Variants in PTPRN observed in about 807,000 individuals in gnomAD.
PTPRN encodes receptor-type tyrosine-protein phosphatase-like N.
Under a neutral mutation model 108.5 loss-of-function variants are expected in PTPRN, and 70 were observed. The ratio of observed to expected loss-of-function variants is 0.65; its 90% CI spans 0.53 to 0.79. The LOEUF is 0.79. Ranked by LOEUF, PTPRN falls within the 30% of genes least tolerant of loss-of-function variation. The pLI is 0.00. For synonymous variants in PTPRN, 496 were observed against 524.6 expected (o/e 0.95, Z 0.75); for missense variants, 1,136 against 1,295.5 (o/e 0.88, Z 1.89).
intron 19 of PTPRN, chr2:219,292,360 C>T (rs1952072197): frequency 1.3e-5 from 2 of 152,284 alleles, no homozygotes; most frequent in South Asian, 4.1e-4. Flanking sequence ...CTGCCCTTGT[C>T]CTTTATGACC....
chr2:219,305,245 ATTT>A (rs201878055), intron 3 of PTPRN, among the ~76,000 whole-genome samples: 1 of 136,284 alleles, frequency 7.3e-6, no homozygotes. Context: ...CCTGGTCCTC[ATTT>A]TTTTTTTTTT....
chr2:219,290,469 C>A lies in PTPRN; in HGVS notation c.2868+69G>T. On this transcript the variant is annotated intron_variant, in intron 22 of 22. Coordinates refer to ENST00000295718, the MANE Select transcript of PTPRN (RefSeq NM_002846.4). The surrounding 1 kb of genome is among the most constrained non-coding windows in gnomAD (Gnocchi z 4.2). ...GAAAGGTTGGCAGCTGCTGCTTTCC[C>A]TGGGGTGGCCAAGAAGTGGGTGCTA... 6.8e-7 allele frequency: 1 copy of A among 1,478,764 alleles called. No homozygotes were observed. Among genetic ancestry groups the A allele is most frequent in the Non-Finnish European group, 9.2e-7 (1 of 1,083,266 alleles). 91.6% of individuals were successfully genotyped at this position (1,478,764 alleles called of 1,614,324 possible).
chr2:219,309,376 G>A lies in PTPRN; in HGVS notation c.-44C>T. ...CTCGCTCCCGGGCCGGAGCCGCAGC[G>A]ACGCTGGCGGGAGCCTGCCAGAGGG... is the stretch of plus-strand genomic sequence containing the variant. On this transcript the variant is annotated 5_prime_UTR_variant, in exon 1 of 23. Coordinates refer to ENST00000295718, the MANE Select transcript of PTPRN (RefSeq NM_002846.4). 4 of 1,082,002 alleles carry A rather than the reference G, an allele frequency of 3.7e-6. No homozygotes were observed. Among genetic ancestry groups the A allele is most frequent in the Non-Finnish European group, 5.0e-6 (4 of 797,954 alleles). The allele number at this position is 1,082,002 out of a possible 1,614,324, so 67.0% of individuals were successfully genotyped here.
rs1952029321 is a variant in PTPRN, at chr2:219,290,527, G to A, written c.2868+11C>T. The A allele has an allele frequency of 3.9e-6, 6 of 1,550,818 alleles. No homozygotes were observed. Among genetic ancestry groups the A allele is most frequent in the Middle Eastern group, 1.7e-4 (1 of 5,894 alleles). ...GTGGGAGCTGGGGTTGGGGCAGGAA[G>A]GCATGGTCACCTTAGAGCGGACAAG... On this transcript the variant is annotated intron_variant, in intron 22 of 22. Transcript: ENST00000295718. The surrounding 1 kb of genome is among the most constrained non-coding windows in gnomAD (Gnocchi z 4.2).
intron 1 of PTPRN, chr2:219,308,843 C>T: frequency 7.6e-7 from 1 of 1,318,582 alleles, no homozygotes. Context: ...TCATTCTCCC[C>T]GCCACCTCCC....
At position 219,300,230 on chromosome 2, in the gene PTPRN, G is replaced by T. The variant is rs1313923716; in HGVS notation, c.1191C>A (p.Asp397Glu). The T allele has an allele frequency of 5.7e-6, 9 of 1,588,506 alleles. No individual in the cohort carries two copies. The highest frequency in any genetic ancestry group is 7.7e-6 in the Non-Finnish European group (9 of 1,165,858). ...KTMEGPVEGR[D>E]TAELPARTSP... ...ATGTGCGGGCTGGAAGCTCTGCTGT[G>T]TCTCTGCCCTCCACCGGCCCCTCCA... Residue 397 changes from aspartate (D) to glutamate (E), a missense_variant, in exon 9 of 23, where the codon GAC becomes GAA. By Grantham distance (45) the Asp-to-Glu change is conservative (BLOSUM62 2). Transcript: ENST00000295718.
intron 4 of PTPRN, 58 bp downstream of exon 4, chr2:219,303,677 G>T: frequency 6.6e-7 from 1 of 1,509,666 alleles, no homozygotes; most frequent in Non-Finnish European, 9.2e-7. Context: ...CATCAATTAG[G>T]ACAACCACAG....
rs1952194985 is a variant in PTPRN at position 219,296,344 on chromosome 2, A to G, written c.2390T>C (p.Met797Thr). Reference protein sequence around the residue: ...LSHTIADFWQMVWESGCTVIV... With the variant: ...LSHTIADFWQTVWESGCTVIV... ...GACGGTGCAGCCGCTCTCCCACACC[A>G]TCTAGGGACAGAGACCCAGTTGAGC... The change falls in exon 18 of 23, where the codon ATG becomes ACG. Residue 797 changes from methionine to threonine, a missense_variant and splice_region_variant. Physicochemically the swap from Met to Thr is moderately conservative, Grantham distance 81 (BLOSUM62 -1). Transcript: ENST00000295718. This position sits in a 1 kb window ranked among gnomAD's most constrained non-coding sequence, Gnocchi z 6.0. The G allele has an allele frequency of 6.8e-6, 11 of 1,614,004 alleles. No homozygotes were observed. Among genetic ancestry groups the G allele is most frequent in the Non-Finnish European group, 8.5e-6 (10 of 1,179,994 alleles).
rs752391502 is a variant in PTPRN, at chr2:219,296,201, C to T, written c.2508+25G>A. 23 of 1,613,330 alleles carry T rather than the reference C, an allele frequency of 1.4e-5. No individual in the cohort carries two copies. Among genetic ancestry groups the T allele is most frequent in the Non-Finnish European group, 1.4e-5 (16 of 1,179,416 alleles). On this transcript the variant is annotated intron_variant, in intron 18 of 22. Coordinates refer to ENST00000295718, the MANE Select transcript of PTPRN (RefSeq NM_002846.4). This position sits in a 1 kb window ranked among gnomAD's most constrained non-coding sequence, Gnocchi z 6.0. ...CATCTACTCTTCCCACATCCATTGT[C>T]CCCTTGCTGTGGGGCCCTGCTGACC...
In PTPRN at chr2:219,298,044, T is replaced by C. The variant is rs1202984138; in HGVS notation, c.1728A>G (p.Ser576=). The part of the protein sequence containing the change: ...QTAHSTSPMR[S]VLLTLVALAG... ...CCAGGGCCACCAGAGTGAGCAGCAC[T>C]GAGCGCATGGGTGAGGTGCTGTGCG... Residue 576 remains serine (S), a synonymous_variant, in exon 13 of 23, where the codon TCA becomes TCG. Transcript: ENST00000295718. 29 of 1,613,962 alleles carry C rather than the reference T, an allele frequency of 1.8e-5. No individual in the cohort carries two copies. Among genetic ancestry groups the C allele is most frequent in the Non-Finnish European group, 2.4e-5 (28 of 1,180,020 alleles).
chr2:219,308,217 A>G (rs1281791045), intron 1 of PTPRN: 1 of 255,610 alleles, frequency 3.9e-6, no homozygotes, highest in Non-Finnish European at 7.6e-6. Flanking sequence ...TGGAACTCAG[A>G]AGAGGTTCTA....
Position 219,289,942 on chromosome 2 carries a change from A to C in PTPRN, c.*284T>G. 53 of 398,110 alleles carry C rather than the reference A, an allele frequency of 1.3e-4. No homozygotes were observed. The highest frequency in any genetic ancestry group is 2.0e-4 in the Non-Finnish European group (43 of 213,278). 24.7% of individuals were successfully genotyped at this position (398,110 alleles called of 1,614,324 possible). On this transcript the variant is annotated 3_prime_UTR_variant, in exon 23 of 23. Transcript: ENST00000295718. ...AGCTACAGGAGAGCCAGGCCAGGGA[A>C]TGTAGGCAGGAGAAGGCTCTGGGTA...
chr2:219,302,113 G>A (rs990968469), intron 6 of PTPRN, 24 bp downstream of exon 6: 2 of 1,541,348 alleles, frequency 1.3e-6, no homozygotes, highest in East Asian at 2.3e-5. Flanking sequence ...CTCACAGGGA[G>A]GTGGATGCTG....
chr2:219,295,210 C>A (rs1007727740), intron 18 of PTPRN, 69 bp from the exon 19 acceptor site: 29 of 1,554,162 alleles, frequency 1.9e-5, no homozygotes, highest in Non-Finnish European at 2.5e-5. Flanking sequence ...GCGCTCTCCT[C>A]GCGACCTTCT....
At chr2:219,308,961 G>C in intron 1 of PTPRN, 2 of 1,470,698 alleles carry the variant, frequency 1.4e-6, no homozygotes, top group Non-Finnish European at 1.8e-6. Context: ...CATGCACCCC[G>C]TGTCCTTCTC....
intron 3 of PTPRN, chr2:219,307,070 G>C (rs1007139207): frequency 5.9e-6 from 1 of 170,122 alleles, no homozygotes; most frequent in Non-Finnish European, 1.2e-5. Flanking sequence ...CTAAAACTAT[G>C]CCTGCTACAT....
intron 1 of PTPRN, chr2:219,308,975 A>C: frequency 2.0e-6 from 3 of 1,502,446 alleles, no homozygotes; most frequent in Non-Finnish European, 2.7e-6. Context: ...CCTTCTCCCG[A>C]ACCTGCAATT....
rs1443060090 is a variant in PTPRN at position 219,296,640 on chromosome 2, C to T, written c.2310+109G>A. On this transcript the variant is annotated intron_variant, in intron 16 of 22. Coordinates refer to ENST00000295718, the MANE Select transcript of PTPRN (RefSeq NM_002846.4). This position sits in a 1 kb window ranked among gnomAD's most constrained non-coding sequence, Gnocchi z 6.0. The stretch of plus-strand genomic sequence containing the variant: ...TTCCCCCTTGCTAGGATATCAGGCC[C>T]CACCACTCCAGGGGGTTGGTGGGGT... 21 of 1,558,324 alleles carry T rather than the reference C, an allele frequency of 1.3e-5. No individual in the cohort carries two copies. The East Asian group carries it at 4.8e-4, about 36-fold the overall frequency.
chr2:219,290,328 G>A lies in PTPRN; in HGVS notation c.2869-31C>T, dbSNP rs1952024929. On this transcript the variant is annotated intron_variant, in intron 22 of 22. Transcript: ENST00000295718. This position sits in a 1 kb window ranked among gnomAD's most constrained non-coding sequence, Gnocchi z 4.2. ...GAAGGGCAGTGGTAGGATGGTCATG[G>A]AGAGGGCTGACCTGTGCTCTGCCCT... is the stretch of plus-strand genomic sequence containing the variant. 1 of 1,601,404 alleles carries A rather than the reference G, an allele frequency of 6.2e-7. No individual in the cohort carries two copies. Among genetic ancestry groups the A allele is most frequent in the Non-Finnish European group, 8.5e-7 (1 of 1,169,860 alleles).
Sources: allele counts gnomAD v4.1 joint callset (sites outside exome capture counted in the v4.1 genomes callset), GRCh38; gene constraint gnomAD v4.1.1; non-coding constraint Gnocchi (gnomAD v3.1); transcripts MANE v1.5; gene names NCBI Gene and HGNC (gene_info 2026-07-23, HGNC 2026-07-21).